Variants in ZEB1 observed in about 807,000 individuals in gnomAD.
ZEB1 encodes the protein zinc finger E-box-binding homeobox 1.
ZEB1 carries 21 observed loss-of-function variants against 84.9 expected under a neutral mutation model. That is an observed-to-expected ratio of 0.25 (90% confidence interval 0.18 to 0.36). The LOEUF (loss-of-function observed/expected upper bound fraction) is 0.36. Among genes scored for constraint, ZEB1 ranks in the 10% least tolerant of loss-of-function variants. ZEB1 has a pLI of 1.00. For missense variants in ZEB1, 1,104 were observed against 1,330.2 expected, an observed-to-expected ratio of 0.83 and a Z score of 2.65; for synonymous variants, 420 against 471.1, an observed-to-expected ratio of 0.89 and a Z score of 1.41.
chr10:31,321,552 G>C, intron 1 of ZEB1: 1 of 1,614,034 alleles, frequency 6.2e-7, no homozygotes, highest in Non-Finnish European at 8.5e-7. Flanking sequence ...TTCGGAAAGA[G>C]CTGTTCGCTT....
At chr10:31,443,740 A>C (rs1420183729) in intron 1 of ZEB1, among the ~76,000 whole-genome samples, 4 of 149,426 alleles carry the variant, frequency 2.7e-5, no homozygotes, top group African/African-American at 5.1e-5. Flanking sequence ...AAGGACATGA[A>C]CTCATCATTT....
At chr10:31,392,079 CTAAT>C (rs1390387984) in intron 1 of ZEB1, among the ~76,000 whole-genome samples, 1 of 152,094 alleles carries the variant, frequency 6.6e-6, no homozygotes, top group Non-Finnish European at 1.5e-5. Flanking sequence ...TTAACTTCAA[CTAAT>C]TAAACTTGAA....
chr10:31,504,418 G>A (rs954400276), intron 4 of ZEB1, among the ~76,000 whole-genome samples: 1 of 152,006 alleles, frequency 6.6e-6, no homozygotes, highest in East Asian at 1.9e-4. Context: ...TTTTTGCTCA[G>A]GATTGCTTTG....
chr10:31,363,271 G>T (rs780099336), intron 1 of ZEB1: 1 of 1,533,544 alleles, frequency 6.5e-7, no homozygotes, highest in Non-Finnish European at 8.7e-7. Flanking sequence ...AGGGAGCACT[G>T]TTGGAAGTGG....
At chr10:31,449,210 A>C (rs1157423165) in intron 1 of ZEB1, among the ~76,000 whole-genome samples, 1 of 152,226 alleles carries the variant, frequency 6.6e-6, no homozygotes, top group Non-Finnish European at 1.5e-5. Flanking sequence ...TTTGACTCGG[A>C]AAGGGAACTC....
chr10:31,387,566 A>G (rs2048850395), intron 1 of ZEB1, among the ~76,000 whole-genome samples: 1 of 152,112 alleles, frequency 6.6e-6, no homozygotes, highest in South Asian at 2.1e-4. Context: ...TTAATCAAAA[A>G]TTTTTCTTGT....
At position 31,399,491 on chromosome 10, in the gene ZEB1, C is replaced by G. The variant is rs75459374; in HGVS notation, c.59-61546C>G. On this transcript the variant is annotated intron_variant, in intron 1 of 8. Transcript: ENST00000424869. ...CACATTTCTGTTACCAAAATATTAT[C>G]TTGCTTCTGTCCCAAAAATATTTCT... 1.8e-4 allele frequency among the ~76,000 whole-genome samples: 28 copies of G among 152,180 alleles called. No homozygotes were observed. In the East Asian group the frequency reaches 4.8e-3, roughly 26 times the overall value.
At chr10:31,452,734 TGTGTGTGTGAGAGAGAGAGA>T (rs1422458628) in intron 1 of ZEB1, among the ~76,000 whole-genome samples, 4 of 110,984 alleles carry the variant, frequency 3.6e-5, no homozygotes, top group African/African-American at 2.1e-4. Flanking sequence ...TGTGTGTGTG[TGTGTGTGTGAGAGAGAGAGA>T]GAGAGAGAGA....
chr10:31,365,626 AAAG>A (rs2044317378), intron 1 of ZEB1, among the ~76,000 whole-genome samples: 1 of 152,322 alleles, frequency 6.6e-6, no homozygotes, highest in South Asian at 2.1e-4. Context: ...CAGAGGGAAA[AAAG>A]AAGAAAAGCA....
At chr10:31,524,911 A>G (rs555392272) in intron 8 of ZEB1, among the ~76,000 whole-genome samples, 1 of 152,298 alleles carries the variant, frequency 6.6e-6, no homozygotes, top group Non-Finnish European at 1.5e-5. Flanking sequence ...AAGATCCTGT[A>G]ATTCTGAGAT....
intron 1 of ZEB1, among the ~76,000 whole-genome samples, chr10:31,361,451 C>T (rs909761880): frequency 2.6e-5 from 4 of 152,176 alleles, no homozygotes; most frequent in East Asian, 1.9e-4. Flanking sequence ...ACTTTAATGT[C>T]GAAAATGCAA....
intron 1 of ZEB1, among the ~76,000 whole-genome samples, chr10:31,445,842 A>G (rs1464086688): frequency 8.7e-6 from 1 of 114,870 alleles, no homozygotes; most frequent in Non-Finnish European, 1.8e-5. Context: ...GGATTTTTGC[A>G]TCAATGTTCA....
At chr10:31,351,066 A>G (rs1220598384) in intron 1 of ZEB1, among the ~76,000 whole-genome samples, 1 of 152,208 alleles carries the variant, frequency 6.6e-6, no homozygotes, top group East Asian at 1.9e-4. Flanking sequence ...TTTGCAGCCA[A>G]ATAGCAACCT....
rs2043077839 is a variant in ZEB1, at chr10:31,361,568, C to T, written c.58+42276C>T. Among the ~76,000 whole-genome samples the T allele has an allele frequency of 2.0e-5, 3 of 152,220 alleles. No individual in the cohort carries two copies. The South Asian group carries it at 6.2e-4, about 32-fold the overall frequency. ...CTCACTTCCCAGATGGTGAGGGGGC[C>T]GGGTGGGGGCACTCCTCACTTCCCA... On this transcript the variant is annotated intron_variant, in intron 1 of 8. Coordinates refer to ENST00000424869, the MANE Select transcript of ZEB1 (RefSeq NM_001174096.2).
chr10:31,477,023 C>G (rs2064309111), intron 2 of ZEB1, among the ~76,000 whole-genome samples: 1 of 152,000 alleles, frequency 6.6e-6, no homozygotes, highest in Admixed American at 6.6e-5. Flanking sequence ...CCTACTCACA[C>G]CACTTCTATT....
upstream of ZEB1, chr10:31,319,147 G>T (rs1196832391): frequency 2.3e-6 from 2 of 863,638 alleles, no homozygotes; most frequent in South Asian, 1.5e-5. Context: ...CGGTGGGGAG[G>T]GGGGAGGGGT....
At chr10:31,454,627 A>C (rs888458002) in intron 1 of ZEB1, among the ~76,000 whole-genome samples, 2 of 152,174 alleles carry the variant, frequency 1.3e-5, no homozygotes, top group Admixed American at 1.3e-4. Flanking sequence ...CACCAATAAC[A>C]GAGAACCAAA....
chr10:31,452,615 A>G (rs1484214049), intron 1 of ZEB1, among the ~76,000 whole-genome samples: 8 of 152,178 alleles, frequency 5.3e-5, no homozygotes, highest in Non-Finnish European at 1.2e-4. Flanking sequence ...AGAAAAGAAA[A>G]AAGTGTGGTC....
intron 1 of ZEB1, among the ~76,000 whole-genome samples, chr10:31,442,554 AT>A (rs2059154735): frequency 7.0e-6 from 1 of 142,164 alleles, no homozygotes; most frequent in African/African-American, 3.1e-5. Context: ...ACTTAAAAGT[AT>A]AATAATAATA....
Sources: gnomAD v4.1 joint callset for allele counts (sites outside exome capture counted in the v4.1 genomes callset) on GRCh38, gnomAD v4.1.1 for gene constraint, MANE v1.5 for transcripts, NCBI Gene and HGNC (gene_info 2026-07-23, HGNC 2026-07-21) for gene names.